The following SDK2 variants were observed in gnomAD, a reference collection of about 807,000 sequenced individuals.
SDK2 encodes the protein sidekick cell adhesion molecule 2.
A neutral mutation model predicts 253.9 loss-of-function variants in SDK2; 105 were observed. That is an observed-to-expected ratio of 0.41 (90% CI 0.35 to 0.49). SDK2 has a LOEUF of 0.49. SDK2 is among the 20% of genes least tolerant of loss of function. The pLI, the probability that SDK2 is intolerant of heterozygous loss-of-function variation, is 0.06. For missense variants in SDK2, 2,608 were observed against 3,003.0 expected (o/e 0.87, Z 3.07); for synonymous variants, 1,249 against 1,234.9 (o/e 1.01, Z -0.24).
intron 22 of SDK2, 128 bp downstream of exon 22, chr17:73,399,040 G>T: frequency 2.3e-6 from 2 of 875,126 alleles, no homozygotes; most frequent in Non-Finnish European, 3.5e-6. Context: ...GTGAGCATTT[G>T]GAGTATAATG....
chr17:73,513,291 A>T lies in SDK2; in HGVS notation c.65-5694T>A, dbSNP rs144358723. 8.1e-3 allele frequency among the ~76,000 whole-genome samples: 1,241 copies of T among 152,354 alleles called. 16 individuals carry two copies. Among genetic ancestry groups the T allele is most frequent in the African/African-American group, 0.029 (1,192 of 41,586 alleles). ...AAGAAAAAGATTAACAAACCAATAG[A>T]AAAATGGGCAAAGGATATGAAGTTC... On this transcript the variant is annotated intron_variant, in intron 1 of 44. Transcript: ENST00000392650.
chr17:73,602,712 C>T (rs1567867236), intron 1 of SDK2, among the ~76,000 whole-genome samples: 2 of 151,850 alleles, frequency 1.3e-5, no homozygotes, highest in South Asian at 2.1e-4. Flanking sequence ...GGTTTCTCAA[C>T]CCTGGCGCTA....
chr17:73,577,416 C>T (rs1599694505), intron 1 of SDK2, among the ~76,000 whole-genome samples: 1 of 152,172 alleles, frequency 6.6e-6, no homozygotes, highest in South Asian at 2.1e-4. Context: ...GACAGACAGG[C>T]AGAAAGCTGA....
chr17:73,396,978 CT>C (rs1202609185), intron 24 of SDK2, among the ~76,000 whole-genome samples: 1 of 152,246 alleles, frequency 6.6e-6, no homozygotes, highest in Non-Finnish European at 1.5e-5. Flanking sequence ...GCGCCAAGCG[CT>C]TTCATGGCCG....
rs376574110 is a variant in SDK2, at chr17:73,460,380, C to T, written c.332-4327G>A. On this transcript the variant is annotated intron_variant, in intron 3 of 44. Coordinates refer to ENST00000392650, the MANE Select transcript of SDK2 (RefSeq NM_001144952.2). The stretch of plus-strand genomic sequence containing the variant: ...GAGCCTCAACTGAGGCCTCAGTCAT[C>T]CCAGGATAGAGTCAAGCTGCCCTTG... 7.9e-5 allele frequency among the ~76,000 whole-genome samples: 12 copies of T among 152,318 alleles called. No individual in the cohort carries two copies. The East Asian group carries it at 2.3e-3, about 29-fold the overall frequency.
At chr17:73,582,220 G>A (rs1167532611) in intron 1 of SDK2, among the ~76,000 whole-genome samples, 1 of 130,976 alleles carries the variant, frequency 7.6e-6, no homozygotes, top group Non-Finnish European at 1.7e-5. Context: ...GCATTTGGGG[G>A]CGCACACCAC....
At chr17:73,518,415 C>T (rs9895055) in intron 1 of SDK2, 65,591 of 152,116 alleles carry the variant, frequency 0.43, 15,702 homozygotes, top group African/African-American at 0.66. Flanking sequence ...CAGTGCCTGG[C>T]ACAGAGAAAG....
chr17:73,424,236 G>A (rs1056691708), intron 12 of SDK2, 144 bp from the exon 13 acceptor site: 53 of 670,876 alleles, frequency 7.9e-5, no homozygotes, highest in Middle Eastern at 7.4e-4. Context: ...CACTGGGATC[G>A]GGGAGCGGGA....
intron 18 of SDK2, 91 bp from the exon 19 acceptor site, chr17:73,402,232 G>T (rs1489575995): frequency 7.3e-7 from 1 of 1,373,634 alleles, no homozygotes; most frequent in East Asian, 2.3e-5. Flanking sequence ...TCAACAGATG[G>T]TGTCCGGGGA....
intron 1 of SDK2, among the ~76,000 whole-genome samples, chr17:73,525,900 T>G (rs999717230): frequency 6.6e-6 from 1 of 152,268 alleles, no homozygotes; most frequent in Non-Finnish European, 1.5e-5. Context: ...AAATGCTTTT[T>G]GAGCACGTAC....
At chr17:73,423,119 A>T (rs2063247148) in intron 14 of SDK2, among the ~76,000 whole-genome samples, 1 of 152,226 alleles carries the variant, frequency 6.6e-6, no homozygotes, top group African/African-American at 2.4e-5. Context: ...TAAATAATAA[A>T]TAAATACTGG....
chr17:73,357,809 G>A (rs886646139), intron 40 of SDK2: 2 of 566,638 alleles, frequency 3.5e-6, no homozygotes, highest in Admixed American at 3.0e-5. Flanking sequence ...CAGGCTTCCG[G>A]CTTCCTGAGC....
intron 1 of SDK2, among the ~76,000 whole-genome samples, chr17:73,516,442 C>A (rs369510498): frequency 6.6e-6 from 1 of 152,330 alleles, no homozygotes; most frequent in East Asian, 1.9e-4. Context: ...GGGCTCCTGG[C>A]GAGTCCCTTC....
At position 73,459,753 on chromosome 17, in the gene SDK2, T is replaced by C. The variant is rs151316916; in HGVS notation, c.332-3700A>G. On this transcript the variant is annotated intron_variant, in intron 3 of 44. Coordinates refer to ENST00000392650, the MANE Select transcript of SDK2 (RefSeq NM_001144952.2). ...CTCGCTATGTTGCCCAGGCTGGTCATGAACTCCGGCCTTAAAGCTCTCACC... is the reference window on the plus strand; with the variant it reads ...CTCGCTATGTTGCCCAGGCTGGTCACGAACTCCGGCCTTAAAGCTCTCACC... Among the ~76,000 whole-genome samples, 575 of 152,126 alleles carry C rather than the reference T, an allele frequency of 3.8e-3. 3 individuals are homozygous for C. The highest frequency in any genetic ancestry group is 0.013 in the African/African-American group (555 of 41,492).
At chr17:73,521,829 C>A (rs1188351255) in intron 1 of SDK2, among the ~76,000 whole-genome samples, 1 of 152,188 alleles carries the variant, frequency 6.6e-6, no homozygotes, top group Non-Finnish European at 1.5e-5. Flanking sequence ...ACCTCCCTTG[C>A]TGGGTTTTGT....
chr17:73,534,878 T>C lies in SDK2; in HGVS notation c.65-27281A>G, dbSNP rs1436973421. Among the ~76,000 whole-genome samples, 1 of 152,136 alleles carries C rather than the reference T, an allele frequency of 6.6e-6. No individual in the cohort carries two copies. The highest frequency in any genetic ancestry group is 1.5e-5 in the Non-Finnish European group (1 of 68,012). ...CATCTTCTAGGCCTCCTTGTGGGGA[T>C]ACTGGATACTCTGCGATCGGCCGAT... On this transcript the variant is annotated intron_variant, in intron 1 of 44. Transcript: ENST00000392650. This position sits in a 1 kb window ranked among gnomAD's most constrained non-coding sequence, Gnocchi z 4.9.
In SDK2 at chr17:73,477,137, T is replaced by A. The variant is rs2063691773; in HGVS notation, c.225-4919A>T. Among the ~76,000 whole-genome samples the A allele has an allele frequency of 4.6e-5, 7 of 152,192 alleles. No individual in the cohort carries two copies. In the South Asian group the frequency reaches 1.5e-3, roughly 32 times the overall value. ...AAGAGGCATTTGGCCAGCTTCTCGG[T>A]TTGTGAGTCCAGCGCACTGTAAGCA... On this transcript the variant is annotated intron_variant, in intron 2 of 44. Transcript: ENST00000392650.
chr17:73,360,802 A>G (rs570469458), intron 39 of SDK2, among the ~76,000 whole-genome samples: 2 of 151,192 alleles, frequency 1.3e-5, no homozygotes, highest in South Asian at 4.2e-4. Context: ...TGGTCGTGGT[A>G]GAAATCACCT....
chr17:73,477,279 C>T (rs1296912193), intron 2 of SDK2, among the ~76,000 whole-genome samples: 8 of 152,112 alleles, frequency 5.3e-5, no homozygotes, highest in Non-Finnish European at 1.2e-4. Flanking sequence ...GCCAGCCCAG[C>T]AGGAGACTGG....
Sources: gnomAD v4.1 joint callset for allele counts (sites outside exome capture counted in the v4.1 genomes callset) on GRCh38, gnomAD v4.1.1 for gene constraint, Gnocchi (gnomAD v3.1) non-coding constraint, MANE v1.5 for transcripts, NCBI Gene and HGNC (gene_info 2026-07-23, HGNC 2026-07-21) for gene names.